ROR1: variants seen among roughly 807,000 people sequenced by gnomAD.
ROR1 encodes the protein ROR family WNT receptor 1, also known as inactive tyrosine-protein kinase transmembrane receptor ROR1.
ROR1 carries 19 observed loss-of-function variants against 78.8 expected under a neutral mutation model. That is an observed-to-expected ratio of 0.24 (90% CI 0.17 to 0.35). The LOEUF (loss-of-function observed/expected upper bound fraction) is 0.35, where lower values mean the gene tolerates loss of function less well. Ranked by LOEUF, ROR1 falls within the 10% of genes least tolerant of loss-of-function variation. ROR1 has a pLI of 1.00. For synonymous variants in ROR1, 386 were observed against 433.6 expected (o/e 0.89, Z 1.36); for missense variants, 917 against 1,177.8 (o/e 0.78, Z 3.24).
At chr1:63,828,465 T>C (rs1189340536) in intron 1 of ROR1, among the ~76,000 whole-genome samples, 1 of 152,168 alleles carries the variant, frequency 6.6e-6, no homozygotes, top group Non-Finnish European at 1.5e-5. Context: ...ATATAGAGGA[T>C]GACTTCTTGT....
intron 1 of ROR1, among the ~76,000 whole-genome samples, chr1:63,953,584 C>T (rs540275399): frequency 3.9e-5 from 6 of 152,276 alleles, no homozygotes; most frequent in Admixed American, 3.9e-4. Context: ...CCTAGTGGTG[C>T]TTGTGATTAG....
intron 1 of ROR1, among the ~76,000 whole-genome samples, chr1:63,856,091 TC>T (rs1470435804): frequency 7.1e-6 from 1 of 141,482 alleles, no homozygotes; most frequent in African/African-American, 2.9e-5. Context: ...TTTTTTTTTT[TC>T]CTCCTCATCA....
In ROR1 at chr1:64,142,512, A is replaced by G. The variant is rs202031020; in HGVS notation, c.1036A>G (p.Thr346Ala). 1.9e-6 allele frequency: 3 copies of G among 1,614,126 alleles called. No individual in the cohort carries two copies. Among genetic ancestry groups the G allele is most frequent in the East Asian group, 4.5e-5 (2 of 44,886 alleles). The change falls in exon 7 of 9, where the codon ACT becomes GCT. Residue 346 changes from threonine to alanine, a missense_variant. By Grantham distance (58) the Thr-to-Ala change is moderately conservative. Coordinates refer to ENST00000371079, the MANE Select transcript of ROR1 (RefSeq NM_005012.4). Reference sequence around the variant, plus strand: ...GAATTCCCAGTATCCCCACACACACACTTTCACCGCCCTTCGTTTCCCAGA... The same window carrying G: ...GAATTCCCAGTATCCCCACACACACGCTTTCACCGCCCTTCGTTTCCCAGA... ...PWNSQYPHTH[T>A]FTALRFPELN...
At chr1:64,051,608 C>A (rs1646832519) in intron 4 of ROR1, among the ~76,000 whole-genome samples, 1 of 152,006 alleles carries the variant, frequency 6.6e-6, no homozygotes, top group East Asian at 1.9e-4. Flanking sequence ...GTCTAAAGGT[C>A]CAATTTCTTT....
intron 7 of ROR1, among the ~76,000 whole-genome samples, chr1:64,154,189 CCAT>C (rs1649706075): frequency 6.6e-6 from 1 of 152,106 alleles, no homozygotes; most frequent in African/African-American, 2.4e-5. Flanking sequence ...CTTAGTATTT[CCAT>C]CATCAAGTCA....
chr1:63,983,012 G>GA (rs1646222593), intron 1 of ROR1, among the ~76,000 whole-genome samples: 1 of 152,176 alleles, frequency 6.6e-6, no homozygotes. Context: ...CTCTGTAAAT[G>GA]TTACCTCATG....
chr1:63,855,741 C>T (rs1645144086), intron 1 of ROR1, among the ~76,000 whole-genome samples: 1 of 151,848 alleles, frequency 6.6e-6, no homozygotes, highest in Non-Finnish European at 1.5e-5. Context: ...CTCCGCCTCC[C>T]TGGTTCAAGT....
chr1:63,963,292 G>C (rs941855737), intron 1 of ROR1, among the ~76,000 whole-genome samples: 1 of 152,118 alleles, frequency 6.6e-6, no homozygotes, highest in Admixed American at 6.5e-5. Flanking sequence ...TCTGGGCTGG[G>C]CGCAGTGGCT....
intron 4 of ROR1, among the ~76,000 whole-genome samples, chr1:64,074,087 A>G (rs1627532): frequency 1.3e-5 from 2 of 149,210 alleles, no homozygotes; most frequent in South Asian, 4.2e-4. Flanking sequence ...ATGTCCATTT[A>G]TTCTTCTTTT....
At chr1:64,046,819 T>C in intron 2 of ROR1, among the ~76,000 whole-genome samples, 1 of 152,206 alleles carries the variant, frequency 6.6e-6, no homozygotes, top group East Asian at 1.9e-4. Flanking sequence ...AGATGTAAAT[T>C]GGACCTCAGT....
intron 1 of ROR1, among the ~76,000 whole-genome samples, chr1:63,922,757 A>G (rs1645667172): frequency 6.6e-6 from 1 of 152,108 alleles, no homozygotes; most frequent in Non-Finnish European, 1.5e-5. Flanking sequence ...TGTTACCCAT[A>G]TTTTAGAGAA....
chr1:63,800,135 G>A (rs1420633797), intron 1 of ROR1, among the ~76,000 whole-genome samples: 1 of 152,152 alleles, frequency 6.6e-6, no homozygotes, highest in Admixed American at 6.5e-5. Flanking sequence ...GTTTGACTTA[G>A]GAGGACTGAG....
intron 1 of ROR1, among the ~76,000 whole-genome samples, chr1:63,879,605 C>G (rs1298248212): frequency 1.3e-5 from 2 of 152,052 alleles, no homozygotes; most frequent in Non-Finnish European, 2.9e-5. Context: ...CCTGGCCCAC[C>G]CTTGAAGTTG....
At position 63,828,738 on chromosome 1, in the gene ROR1, A is replaced by G. The variant is rs113436028; in HGVS notation, c.91+54230A>G. On this transcript the variant is annotated intron_variant, in intron 1 of 8. Coordinates refer to ENST00000371079, the MANE Select transcript of ROR1 (RefSeq NM_005012.4). The stretch of plus-strand genomic sequence containing the variant: ...GTTTTTTACTCTATTCCCCTGGCAC[A>G]TAGTAGGTGTTCAGGAAATATTAGC... 3.9e-3 allele frequency among the ~76,000 whole-genome samples: 597 copies of G among 152,188 alleles called. 2 individuals are homozygous for G. The highest frequency in any genetic ancestry group is 6.5e-3 in the Non-Finnish European group (441 of 68,020).
At chr1:63,823,114 C>A (rs1006963767) in intron 1 of ROR1, among the ~76,000 whole-genome samples, 1 of 151,714 alleles carries the variant, frequency 6.6e-6, no homozygotes, top group Non-Finnish European at 1.5e-5. Flanking sequence ...TGTTAAAAAT[C>A]TTTTAAAATA....
intron 4 of ROR1, among the ~76,000 whole-genome samples, chr1:64,124,822 A>G (rs1252454659): frequency 6.6e-6 from 1 of 152,216 alleles, no homozygotes; most frequent in Non-Finnish European, 1.5e-5. Flanking sequence ...CAAAGCATGA[A>G]CACTAGGAGT....
rs1650532397 is a variant in ROR1, at chr1:64,181,000, C to T, written c.*2145C>T. On this transcript the variant is annotated 3_prime_UTR_variant, in exon 9 of 9. Coordinates refer to ENST00000371079, the MANE Select transcript of ROR1 (RefSeq NM_005012.4). ...CTTGTAATAATGTATTTTATAATCG[C>T]ACTGTGATACTATATAACACAGTCT... The T allele has an allele frequency of 6.6e-6, 1 of 152,016 alleles. No homozygotes were observed. Among genetic ancestry groups the T allele is most frequent in the Admixed American group, 6.5e-5 (1 of 15,276 alleles). The allele number at this position is 152,016 out of a possible 1,614,324, so 9.4% of individuals were successfully genotyped here. A position where few individuals can be genotyped will look rare whatever the true frequency, so the allele number is the denominator to read the frequency against.
intron 1 of ROR1, among the ~76,000 whole-genome samples, chr1:63,814,794 C>G (rs540535330): frequency 2.0e-5 from 3 of 152,160 alleles, no homozygotes; most frequent in Admixed American, 1.3e-4. Context: ...GATGAAGCTT[C>G]GCTCACTTGC....
At chr1:63,840,159 A>C (rs1312075442) in intron 1 of ROR1, among the ~76,000 whole-genome samples, 1 of 152,150 alleles carries the variant, frequency 6.6e-6, no homozygotes, top group African/African-American at 2.4e-5. Flanking sequence ...TCCATGATGC[A>C]CTGTGATTTT....
Sources: gnomAD v4.1 joint callset for allele counts (sites outside exome capture counted in the v4.1 genomes callset) on GRCh38, gnomAD v4.1.1 for gene constraint, MANE v1.5 for transcripts, NCBI Gene and HGNC (gene_info 2026-07-23, HGNC 2026-07-21) for gene names.